The following ABLIM2 variants were observed in gnomAD, a reference collection of about 807,000 sequenced individuals.
The protein encoded by ABLIM2 is actin binding LIM protein family member 2, also known as actin-binding LIM protein 2.
Under a neutral mutation model 97.7 loss-of-function variants are expected in ABLIM2, and 53 were observed. That is an observed-to-expected ratio of 0.54 (90% CI 0.44 to 0.68). The LOEUF is 0.68. Ranked by LOEUF, ABLIM2 falls within the 30% of genes least tolerant of loss-of-function variation. The pLI, the probability that ABLIM2 is intolerant of heterozygous loss-of-function variation, is 0.00. For missense variants in ABLIM2, 835 were observed against 867.2 expected, an observed-to-expected ratio of 0.96 and a Z score of 0.47; for synonymous variants, 361 against 345.8, an observed-to-expected ratio of 1.04 and a Z score of -0.49.
chr4:7,988,343 C>A (rs1746076338), intron 17 of ABLIM2, among the ~76,000 whole-genome samples: 1 of 152,102 alleles, frequency 6.6e-6, no homozygotes, highest in African/African-American at 2.4e-5. Context: ...TTCTTACGTG[C>A]CTGTGGCTCT....
chr4:8,029,586 TAAAAAAAAAA>T, intron 11 of ABLIM2, 60 bp downstream of exon 11: 5 of 1,050,032 alleles, frequency 4.8e-6, no homozygotes, highest in Non-Finnish European at 5.9e-6. Context: ...AAAAAAAAAC[TAAAAAAAAAA>T]AAAAAAAAAA....
intron 1 of ABLIM2, among the ~76,000 whole-genome samples, chr4:8,156,998 A>G (rs909424019): frequency 9.9e-5 from 15 of 152,206 alleles, no homozygotes; most frequent in African/African-American, 3.6e-4. Context: ...CCACCCAGCA[A>G]TGACCATCCC....
Position 8,004,491 on chromosome 4 carries a change from G to A in ABLIM2, c.1618+3568C>T, listed in dbSNP as rs974245777. On this transcript the variant is annotated intron_variant, in intron 16 of 20. Coordinates refer to ENST00000447017, the MANE Select transcript of ABLIM2 (RefSeq NM_001130083.2). This position sits in a 1 kb window ranked among gnomAD's most constrained non-coding sequence, Gnocchi z 5.9. ...TCGGAAGTGCTGGGTCCTTTCTAGG[G>A]GCCACTGAGTCCTCTGGGCAGTGCC... Among the ~76,000 whole-genome samples the A allele has an allele frequency of 6.6e-6, 1 of 152,138 alleles. No individual in the cohort carries two copies. Among genetic ancestry groups the A allele is most frequent in the African/African-American group, 2.4e-5 (1 of 41,440 alleles).
chr4:7,984,798 C>G (rs563411712), intron 18 of ABLIM2, 41 bp downstream of exon 18: 5 of 1,551,354 alleles, frequency 3.2e-6, no homozygotes, highest in African/African-American at 2.7e-5. Flanking sequence ...TTAGCGACCC[C>G]TGCCCCAGCC....
intron 1 of ABLIM2, among the ~76,000 whole-genome samples, chr4:8,154,279 T>C (rs1383946751): frequency 3.0e-5 from 3 of 101,342 alleles, no homozygotes; most frequent in Admixed American, 1.1e-4. Flanking sequence ...TTCTTTTCTT[T>C]TCTTTTTTTT....
intron 1 of ABLIM2, among the ~76,000 whole-genome samples, chr4:8,153,059 A>T (rs1364891482): frequency 6.6e-6 from 1 of 152,138 alleles, no homozygotes; most frequent in Non-Finnish European, 1.5e-5. Context: ...GGGTTGGTTG[A>T]TGGCATCAGG....
At chr4:8,006,879 G>C (rs1027327156) in intron 16 of ABLIM2, 4 of 370,158 alleles carry the variant, frequency 1.1e-5, no homozygotes, top group South Asian at 1.1e-4. Context: ...ATTTTTGCAG[G>C]GGGGGGGTGG....
intron 1 of ABLIM2, among the ~76,000 whole-genome samples, chr4:8,117,475 C>T (rs1226418110): frequency 6.6e-6 from 1 of 151,516 alleles, no homozygotes; most frequent in East Asian, 1.9e-4. Context: ...AGGCTCCACG[C>T]ACTAAGACTC....
intron 11 of ABLIM2, 39 bp downstream of exon 11, chr4:8,029,617 A>G: frequency 7.2e-7 from 1 of 1,395,654 alleles, no homozygotes; most frequent in South Asian, 1.6e-5. Context: ...GGAAAAGGAC[A>G]GCATCCTGGG....
intron 1 of ABLIM2, among the ~76,000 whole-genome samples, chr4:8,109,497 A>T (rs1839246429): frequency 6.6e-6 from 1 of 152,210 alleles, no homozygotes; most frequent in African/African-American, 2.4e-5. Context: ...AGAGGAGGCC[A>T]TTTCCCCATC....
chr4:8,093,716 G>A (rs1038801429), intron 3 of ABLIM2, among the ~76,000 whole-genome samples: 5 of 152,210 alleles, frequency 3.3e-5, no homozygotes, highest in African/African-American at 1.2e-4. Flanking sequence ...TTTCTGATGA[G>A]AAGTCTGGAG....
chr4:7,968,737 A>C (rs1396060999), intron 20 of ABLIM2, among the ~76,000 whole-genome samples: 1 of 152,114 alleles, frequency 6.6e-6, no homozygotes, highest in Non-Finnish European at 1.5e-5. Flanking sequence ...GGTGAAGAAA[A>C]TGTTCCGGAG....
At chr4:8,097,912 G>A (rs1256389906) in intron 2 of ABLIM2, among the ~76,000 whole-genome samples, 1 of 152,164 alleles carries the variant, frequency 6.6e-6, no homozygotes, top group Non-Finnish European at 1.5e-5. Flanking sequence ...TGAAAGGGAA[G>A]CACTTTGTCT....
At chr4:8,091,741 T>C (rs1828647888) in intron 3 of ABLIM2, among the ~76,000 whole-genome samples, 1 of 90,220 alleles carries the variant, frequency 1.1e-5, no homozygotes. Flanking sequence ...TATTAATATG[T>C]ATTATATATT....
rs780076428 is a variant in ABLIM2 at position 7,983,252 on chromosome 4, T to C, written c.1824+12A>G. 2 of 1,605,698 alleles carry C rather than the reference T, an allele frequency of 1.2e-6. No homozygotes were observed. The highest frequency in any genetic ancestry group is 1.7e-5 in the Admixed American group (1 of 58,830). The stretch of plus-strand genomic sequence containing the variant: ...GGAAATGAGTCCCCTGCCCCGGCAG[T>C]CCCCCGCTTACCTCCAGTCTCGTCC... On this transcript the variant is annotated intron_variant, in intron 20 of 20. Transcript: ENST00000447017.
chr4:8,116,243 C>A (rs1167611432), intron 1 of ABLIM2, among the ~76,000 whole-genome samples: 1 of 152,206 alleles, frequency 6.6e-6, no homozygotes, highest in Admixed American at 6.5e-5. Flanking sequence ...AGAATGCCAC[C>A]ACAGTGATGG....
intron 8 of ABLIM2, among the ~76,000 whole-genome samples, chr4:8,049,162 G>A (rs1794448617): frequency 6.6e-6 from 1 of 151,998 alleles, no homozygotes; most frequent in South Asian, 2.1e-4. Context: ...CACCAGACAG[G>A]GGGCTCCTTG....
chr4:8,127,555 C>T lies in ABLIM2; in HGVS notation c.11-20918G>A, dbSNP rs1200909917. 5.4e-6 allele frequency: 7 copies of T among 1,289,638 alleles called. No homozygotes were observed. The highest frequency in any genetic ancestry group is 6.1e-6 in the Non-Finnish European group (6 of 988,836). 79.9% of individuals were successfully genotyped at this position (1,289,638 alleles called of 1,614,324 possible). ...GCAGTTTGGGGATTTACCTGTGTCT[C>T]CCCCTGGCACCCCCATGGAGCGTGG... On this transcript the variant is annotated intron_variant, in intron 1 of 20. Transcript: ENST00000447017. This position sits in a 1 kb window ranked among gnomAD's most constrained non-coding sequence, Gnocchi z 7.3.
chr4:8,154,023 C>T lies in ABLIM2; in HGVS notation c.10+4657G>A, dbSNP rs186054749. On this transcript the variant is annotated intron_variant, in intron 1 of 20. Transcript: ENST00000447017. ...TGTCGCCCAGGCTGGAGTGCAGTGG[C>T]GTGATCTCGGCTCACTGCAAGCTCT... Among the ~76,000 whole-genome samples, 1,139 of 142,454 alleles carry T rather than the reference C, an allele frequency of 8.0e-3. 26 individuals carry two copies. Among genetic ancestry groups the T allele is most frequent in the East Asian group, 0.071 (344 of 4,864 alleles). The allele number at this position is 142,454 out of a possible 152,430, so 93.5% of individuals were successfully genotyped here.
Sources: allele counts gnomAD v4.1 joint callset (sites outside exome capture counted in the v4.1 genomes callset), GRCh38; gene constraint gnomAD v4.1.1; non-coding constraint Gnocchi (gnomAD v3.1); transcripts MANE v1.5; gene names NCBI Gene and HGNC (gene_info 2026-07-23, HGNC 2026-07-21).